IQGAP2: variants seen among roughly 807,000 people sequenced by gnomAD.
The protein encoded by IQGAP2 is IQ motif containing GTPase activating protein 2, also known as ras GTPase-activating-like protein IQGAP2.
In IQGAP2, 173 loss-of-function variants were observed where a neutral mutation model predicts 201.3. The observed-to-expected ratio is 0.86, with a 90% confidence interval of 0.76 to 0.98. IQGAP2 has a LOEUF of 0.98. Among genes scored for constraint, IQGAP2 ranks in the 50% least tolerant of loss-of-function variants. The pLI, the probability that IQGAP2 is intolerant of heterozygous loss-of-function variation, is 0.00. For synonymous variants in IQGAP2, 675 were observed against 673.9 expected, an observed-to-expected ratio of 1.00 and a Z score of -0.03; for missense variants, 1,687 against 1,864.8, an observed-to-expected ratio of 0.90 and a Z score of 1.76.
At chr5:76,669,848 T>C (rs1744135089) in intron 23 of IQGAP2, among the ~76,000 whole-genome samples, 1 of 152,138 alleles carries the variant, frequency 6.6e-6, no homozygotes, top group Non-Finnish European at 1.5e-5. Context: ...CTGTGAAATC[T>C]TTTTTCTTCT....
At chr5:76,587,178 C>T (rs1746306750) in intron 5 of IQGAP2, among the ~76,000 whole-genome samples, 1 of 152,120 alleles carries the variant, frequency 6.6e-6, no homozygotes, top group Admixed American at 6.5e-5. Flanking sequence ...AGGTCAAATT[C>T]TCATATAAAA....
At chr5:76,502,914 T>A (rs1387977379) in intron 2 of IQGAP2, among the ~76,000 whole-genome samples, 7 of 151,014 alleles carry the variant, frequency 4.6e-5, no homozygotes, top group Non-Finnish European at 1.0e-4. Context: ...TTTTTTTTTT[T>A]AATTCTTGGT....
intron 1 of IQGAP2, among the ~76,000 whole-genome samples, chr5:76,423,963 G>A (rs10044370): frequency 0.4 from 60,210 of 152,068 alleles, 13,403 homozygotes; most frequent in East Asian, 0.52. Flanking sequence ...TAGGTTTAGC[G>A]AACAGTTAAA....
At chr5:76,653,808 C>T (rs1440647468) in intron 18 of IQGAP2, among the ~76,000 whole-genome samples, 3 of 152,116 alleles carry the variant, frequency 2.0e-5, no homozygotes, top group Non-Finnish European at 4.4e-5. Context: ...ATATTGGATG[C>T]ATTTAAAGGG....
chr5:76,624,167 G>A (rs1017429435), intron 13 of IQGAP2: 1 of 152,064 alleles, frequency 6.6e-6, no homozygotes, highest in Non-Finnish European at 1.5e-5. Context: ...ATCTTAACCA[G>A]TATTAAGTGT....
intron 17 of IQGAP2, among the ~76,000 whole-genome samples, chr5:76,641,832 T>A (rs746461479): frequency 6.6e-5 from 10 of 152,232 alleles, no homozygotes; most frequent in Admixed American, 6.5e-5. Context: ...CTTTGAAGTT[T>A]CCTAAATTGA....
At position 76,606,068 on chromosome 5, in the gene IQGAP2, C is replaced by G. The variant is rs1292695390; in HGVS notation, c.1233-111C>G. 45 of 929,426 alleles carry G rather than the reference C, an allele frequency of 4.8e-5. No homozygotes were observed. In the East Asian group the frequency reaches 1.2e-3, roughly 24 times the overall value. The allele number at this position is 929,426 out of a possible 1,614,324, so 57.6% of individuals were successfully genotyped here. The stretch of plus-strand genomic sequence containing the variant: ...AGACAATTTTATTTGCCTTTCTACT[C>G]TTTGTCTAACTTCATAACAACTATG... On this transcript the variant is annotated intron_variant, in intron 11 of 35. Coordinates refer to ENST00000274364, the MANE Select transcript of IQGAP2 (RefSeq NM_006633.5).
intron 2 of IQGAP2, among the ~76,000 whole-genome samples, chr5:76,492,225 C>A (rs1756595920): frequency 6.6e-6 from 1 of 152,184 alleles, no homozygotes; most frequent in African/African-American, 2.4e-5. Flanking sequence ...TGCTGTGCTG[C>A]TAGGCAGAGG....
At chr5:76,505,306 C>G (rs935223159) in intron 2 of IQGAP2, among the ~76,000 whole-genome samples, 1 of 152,160 alleles carries the variant, frequency 6.6e-6, no homozygotes, top group African/African-American at 2.4e-5. Flanking sequence ...TCATTTAATC[C>G]AGGAAACCGT....
At chr5:76,596,166 A>G (rs1452781184) in intron 9 of IQGAP2, among the ~76,000 whole-genome samples, 1 of 152,220 alleles carries the variant, frequency 6.6e-6, no homozygotes, top group Non-Finnish European at 1.5e-5. Context: ...ATGTATTTAG[A>G]GAAGATAAAT....
At chr5:76,597,641 C>T (rs746761381) in intron 10 of IQGAP2, 39 bp downstream of exon 10, 2 of 1,606,864 alleles carry the variant, frequency 1.2e-6, no homozygotes, top group Non-Finnish European at 8.5e-7. Flanking sequence ...GACGGTAACC[C>T]TGCGTGCCAT....
At chr5:76,423,236 G>C (rs942501000) in intron 1 of IQGAP2, among the ~76,000 whole-genome samples, 1 of 152,186 alleles carries the variant, frequency 6.6e-6, no homozygotes, top group Non-Finnish European at 1.5e-5. Flanking sequence ...GTCTAATCAT[G>C]AACAGCGATG....
At chr5:76,486,772 AGTTTTGTTTT>A (rs757249865) in intron 2 of IQGAP2, among the ~76,000 whole-genome samples, 13 of 152,060 alleles carry the variant, frequency 8.5e-5, no homozygotes, top group Non-Finnish European at 1.9e-4. Context: ...ACTTCTTCAG[AGTTTTGTTTT>A]GTTTTGTTTT....
Position 76,658,607 on chromosome 5 carries a change from A to G in IQGAP2, c.2469A>G (p.Lys823=). Residue 823 remains lysine (K), a synonymous_variant, in exon 21 of 36, where the codon AAA becomes AAG. Transcript: ENST00000274364. The part of the protein sequence containing the change: ...TKIRANQQLE[K]DLNLMDIKIG... ...TCAGGGCCAATCAACAGCTGGAAAA[A>G]GACCTGAACCTGATGGACATCAAGA... is the stretch of plus-strand genomic sequence containing the variant. 1 of 1,614,072 alleles carries G rather than the reference A, an allele frequency of 6.2e-7. No individual in the cohort carries two copies. The highest frequency in any genetic ancestry group is 8.5e-7 in the Non-Finnish European group (1 of 1,180,002).
At chr5:76,467,931 T>G (rs926955497) in intron 2 of IQGAP2, among the ~76,000 whole-genome samples, 4 of 152,060 alleles carry the variant, frequency 2.6e-5, no homozygotes, top group African/African-American at 9.7e-5. Context: ...CAAAGTAGAT[T>G]AGTGATTGCC....
chr5:76,412,389 C>T (rs577350735), intron 1 of IQGAP2, among the ~76,000 whole-genome samples: 40 of 152,136 alleles, frequency 2.6e-4, no homozygotes, highest in Admixed American at 1.4e-3. Context: ...TGGACTTGAA[C>T]TCTTGGGCCC....
chr5:76,620,642 TGC>T (rs1749559391), intron 13 of IQGAP2, among the ~76,000 whole-genome samples: 1 of 152,168 alleles, frequency 6.6e-6, no homozygotes, highest in South Asian at 2.1e-4. Context: ...TATTGTAGTC[TGC>T]ATGGAGGCTC....
chr5:76,525,830 A>C (rs1354462197), intron 2 of IQGAP2, among the ~76,000 whole-genome samples: 3 of 152,238 alleles, frequency 2.0e-5, no homozygotes, highest in East Asian at 3.8e-4. Context: ...AATGACTTCT[A>C]TAGTTTTGAA....
intron 7 of IQGAP2, 75 bp downstream of exon 7, chr5:76,589,803 C>T (rs1047347250): frequency 2.0e-5 from 14 of 697,830 alleles, no homozygotes; most frequent in Non-Finnish European, 3.2e-5. Flanking sequence ...TTTGATTACT[C>T]GAAATAGAAT....
Sources: gnomAD v4.1 joint callset for allele counts (sites outside exome capture counted in the v4.1 genomes callset) on GRCh38, gnomAD v4.1.1 for gene constraint, MANE v1.5 for transcripts, NCBI Gene and HGNC (gene_info 2026-07-23, HGNC 2026-07-21) for gene names.